FAF1: variants seen among roughly 807,000 people sequenced by gnomAD.
FAF1 encodes Fas associated factor 1, also known as FAS-associated factor 1.
A neutral mutation model predicts 92.5 loss-of-function variants in FAF1; 25 were observed. The ratio of observed to expected loss-of-function variants is 0.27; its 90% confidence interval spans 0.20 to 0.38. The LOEUF is 0.38. Among genes scored for constraint, FAF1 ranks in the 10% least tolerant of loss-of-function variants. FAF1 has a pLI of 1.00. For synonymous variants in FAF1, 234 were observed against 273.2 expected, an observed-to-expected ratio of 0.86 and a Z score of 1.42; for missense variants, 636 against 793.3, an observed-to-expected ratio of 0.80 and a Z score of 2.38.
intron 9 of FAF1, among the ~76,000 whole-genome samples, chr1:50,589,246 T>C (rs919661746): frequency 6.6e-6 from 1 of 152,098 alleles, no homozygotes; most frequent in Non-Finnish European, 1.5e-5. Context: ...ATGCAGTAGC[T>C]GTGTTGTGTC....
chr1:50,825,690 A>G (rs1644090478), intron 2 of FAF1, among the ~76,000 whole-genome samples: 1 of 152,178 alleles, frequency 6.6e-6, no homozygotes, highest in Admixed American at 6.5e-5. Context: ...TAACAAAGAT[A>G]ACTGGATCTA....
intron 1 of FAF1, among the ~76,000 whole-genome samples, chr1:50,926,540 T>A (rs927354094): frequency 2.0e-5 from 3 of 152,076 alleles, no homozygotes; most frequent in African/African-American, 7.2e-5. Context: ...TTAACTATAA[T>A]TTATTGTATA....
At chr1:50,452,009 T>C in intron 18 of FAF1, 1 of 1,251,294 alleles carries the variant, frequency 8.0e-7, no homozygotes. Flanking sequence ...ACTATACTAT[T>C]AAATGACAAT....
chr1:50,474,201 G>C (rs1646609463), intron 18 of FAF1, among the ~76,000 whole-genome samples: 1 of 152,134 alleles, frequency 6.6e-6, no homozygotes, highest in Non-Finnish European at 1.5e-5. Context: ...CAAAAAATCA[G>C]ATCCCTCTTT....
At chr1:50,633,827 C>T (rs1008326806) in intron 8 of FAF1, among the ~76,000 whole-genome samples, 1 of 152,232 alleles carries the variant, frequency 6.6e-6, no homozygotes, top group African/African-American at 2.4e-5. Context: ...TGATATGTAA[C>T]TGCCACTCAA....
At chr1:50,510,455 G>C (rs1284290715) in intron 15 of FAF1, among the ~76,000 whole-genome samples, 1 of 152,038 alleles carries the variant, frequency 6.6e-6, no homozygotes, top group Non-Finnish European at 1.5e-5. Flanking sequence ...ATGGTAGAGG[G>C]GGGGAAGCAA....
Position 50,484,914 on chromosome 1 carries a change from T to C in FAF1, c.1653+5674A>G, listed in dbSNP as rs534370948. 3.2e-4 allele frequency among the ~76,000 whole-genome samples: 43 copies of C among 133,124 alleles called. 2 individuals are homozygous for C. In the South Asian group the frequency reaches 9.4e-3, roughly 29 times the overall value. 87.3% of individuals were successfully genotyped at this position (133,124 alleles called of 152,430 possible). On this transcript the variant is annotated intron_variant, in intron 17 of 18. Coordinates refer to ENST00000396153, the MANE Select transcript of FAF1 (RefSeq NM_007051.3). Reference sequence around the variant, plus strand: ...GGTGGGAATTGAACAATGAGAACACTTGGACACAGGAAGGGGAACATCACA... The same window carrying C: ...GGTGGGAATTGAACAATGAGAACACCTGGACACAGGAAGGGGAACATCACA...
At chr1:50,738,286 A>G (rs1419300917) in intron 6 of FAF1, among the ~76,000 whole-genome samples, 1 of 152,014 alleles carries the variant, frequency 6.6e-6, no homozygotes, top group Non-Finnish European at 1.5e-5. Context: ...TCTACTAAAA[A>G]TGCAAAATTA....
At chr1:50,936,845 G>A (rs1401826193) in intron 1 of FAF1, among the ~76,000 whole-genome samples, 1 of 152,058 alleles carries the variant, frequency 6.6e-6, no homozygotes, top group East Asian at 1.9e-4. Context: ...GAATCATCTA[G>A]AATAAAACAT....
intron 12 of FAF1, among the ~76,000 whole-genome samples, chr1:50,581,093 A>G (rs1313571042): frequency 2.0e-5 from 3 of 152,228 alleles, no homozygotes; most frequent in Admixed American, 6.5e-5. Context: ...CCATAAACCT[A>G]TATTTATGAA....
intron 2 of FAF1, among the ~76,000 whole-genome samples, chr1:50,853,144 CTG>C (rs1479341865): frequency 4.6e-5 from 7 of 152,080 alleles, no homozygotes; most frequent in African/African-American, 1.7e-4. Flanking sequence ...GTTCATAACA[CTG>C]TATAAAGTAG....
chr1:50,536,405 T>G (rs1036490741), intron 14 of FAF1, among the ~76,000 whole-genome samples: 15 of 152,322 alleles, frequency 9.8e-5, no homozygotes, highest in African/African-American at 3.1e-4. Context: ...CTCCAAGGCT[T>G]GAGAAGGGAT....
intron 9 of FAF1, among the ~76,000 whole-genome samples, chr1:50,588,959 G>C (rs1405702919): frequency 6.6e-6 from 1 of 152,200 alleles, no homozygotes; most frequent in Non-Finnish European, 1.5e-5. Context: ...GTCAGGGCTG[G>C]AAGCTTGCTT....
intron 7 of FAF1, among the ~76,000 whole-genome samples, chr1:50,663,897 T>C (rs1655503831): frequency 1.3e-5 from 2 of 151,832 alleles, no homozygotes; most frequent in Admixed American, 6.5e-5. Flanking sequence ...TGTGATTTTA[T>C]TAGCCTAAGA....
At chr1:50,826,911 C>A (rs879451409) in intron 2 of FAF1, among the ~76,000 whole-genome samples, 3 of 152,028 alleles carry the variant, frequency 2.0e-5, no homozygotes, top group Non-Finnish European at 4.4e-5. Context: ...TGCCCAGCCG[C>A]CCCGTCTGGG....
At chr1:50,951,654 C>A (rs988032592) in intron 1 of FAF1, among the ~76,000 whole-genome samples, 1 of 152,032 alleles carries the variant, frequency 6.6e-6, no homozygotes, top group African/African-American at 2.4e-5. Flanking sequence ...TGACCTACAA[C>A]CCAAATACTA....
At chr1:50,923,094 C>G (rs1644978044) in intron 1 of FAF1, among the ~76,000 whole-genome samples, 2 of 152,148 alleles carry the variant, frequency 1.3e-5, no homozygotes, top group Admixed American at 1.3e-4. Flanking sequence ...CTGAACAGAG[C>G]CATAATGAGC....
intron 2 of FAF1, among the ~76,000 whole-genome samples, chr1:50,814,801 A>T (rs1390928323): frequency 6.6e-6 from 1 of 152,212 alleles, no homozygotes. Flanking sequence ...AAGCAAATCA[A>T]AACTACAATG....
chr1:50,686,426 C>G (rs1007269022), intron 7 of FAF1, among the ~76,000 whole-genome samples: 4 of 152,038 alleles, frequency 2.6e-5, no homozygotes, highest in Non-Finnish European at 4.4e-5. Flanking sequence ...CCTGTAATCC[C>G]AGCTACTCAG....
Sources: allele counts gnomAD v4.1 joint callset (sites outside exome capture counted in the v4.1 genomes callset), GRCh38; gene constraint gnomAD v4.1.1; transcripts MANE v1.5; gene names NCBI Gene and HGNC (gene_info 2026-07-23, HGNC 2026-07-21).